ARID5B: variants seen among roughly 807,000 people sequenced by gnomAD.
The protein encoded by ARID5B is AT-rich interaction domain 5B.
Under a neutral mutation model 97.2 loss-of-function variants are expected in ARID5B, and 13 were observed. That is an observed-to-expected ratio of 0.13 (90% CI 0.09 to 0.21). The LOEUF (loss-of-function observed/expected upper bound fraction) is 0.21. Among genes scored for constraint, ARID5B ranks in the 10% least tolerant of loss-of-function variants. The pLI is 1.00. For synonymous variants in ARID5B, 556 were observed against 570.3 expected (o/e 0.97, Z 0.36); for missense variants, 1,210 against 1,465.3 (o/e 0.83, Z 2.84).
intron 7 of ARID5B, among the ~76,000 whole-genome samples, chr10:62,062,977 AAT>A (rs1839941521): frequency 1.3e-5 from 2 of 152,110 alleles, no homozygotes; most frequent in African/African-American, 2.4e-5. Flanking sequence ...GAGATTTATA[AAT>A]GATTATTCTT....
intron 7 of ARID5B, among the ~76,000 whole-genome samples, chr10:62,065,361 A>G (rs749343721): frequency 5.3e-5 from 8 of 152,136 alleles, no homozygotes; most frequent in South Asian, 2.1e-4. Flanking sequence ...TCTTTTCGTG[A>G]CACCATCTCA....
intron 9 of ARID5B, among the ~76,000 whole-genome samples, chr10:62,089,483 C>A (rs937171468): frequency 6.6e-6 from 1 of 151,016 alleles, no homozygotes; most frequent in Non-Finnish European, 1.5e-5. Flanking sequence ...GCCTTCCTTC[C>A]TTCCTTTCTT....
chr10:62,054,960 G>A (rs191855855), intron 5 of ARID5B, among the ~76,000 whole-genome samples: 7 of 152,248 alleles, frequency 4.6e-5, no homozygotes, highest in Admixed American at 1.3e-4. Flanking sequence ...GAACATGAAG[G>A]TAGAGTATGT....
intron 2 of ARID5B, among the ~76,000 whole-genome samples, chr10:61,923,181 C>T (rs371783827): frequency 2.0e-5 from 3 of 152,160 alleles, no homozygotes; most frequent in Non-Finnish European, 4.4e-5. Flanking sequence ...CCATGTACCA[C>T]GTTTCTCCCA....
At chr10:61,969,412 T>A (rs890003637) in intron 3 of ARID5B, among the ~76,000 whole-genome samples, 1 of 151,958 alleles carries the variant, frequency 6.6e-6, no homozygotes, top group Admixed American at 6.6e-5. Flanking sequence ...TTATGCACAC[T>A]GTTATCCTTT....
intron 2 of ARID5B, among the ~76,000 whole-genome samples, chr10:61,904,898 T>C (rs1036682670): frequency 2.6e-5 from 4 of 152,182 alleles, no homozygotes; most frequent in Non-Finnish European, 4.4e-5. Context: ...GGTGATGTCA[T>C]TTCCCCCCTG....
chr10:62,037,886 C>T (rs528832385), intron 4 of ARID5B, among the ~76,000 whole-genome samples: 9 of 152,248 alleles, frequency 5.9e-5, no homozygotes, highest in Non-Finnish European at 8.8e-5. Context: ...ACTGAACTTC[C>T]ACATTTGAGT....
rs545354871 is a variant in ARID5B at position 61,998,417 on chromosome 10, C to T, written c.503-1674C>T. 1.3e-4 allele frequency among the ~76,000 whole-genome samples: 20 copies of T among 152,288 alleles called. No individual in the cohort carries two copies. In the South Asian group the frequency reaches 1.9e-3, roughly 14 times the overall value. On this transcript the variant is annotated intron_variant, in intron 3 of 9. Coordinates refer to ENST00000279873, the MANE Select transcript of ARID5B (RefSeq NM_032199.3). Reference sequence around the variant, plus strand: ...GACATGTCTGGGAATTGCTTACAACCGCTCTGATGGGGTGGTTGCGGAGTG... The same window carrying T: ...GACATGTCTGGGAATTGCTTACAACTGCTCTGATGGGGTGGTTGCGGAGTG...
chr10:61,984,550 G>T (rs1838820580), intron 3 of ARID5B, among the ~76,000 whole-genome samples: 1 of 152,168 alleles, frequency 6.6e-6, no homozygotes, highest in African/African-American at 2.4e-5. Context: ...CTCATGTGGA[G>T]GCAGCAGGTG....
intron 4 of ARID5B, among the ~76,000 whole-genome samples, chr10:62,017,237 G>C (rs549081989): frequency 6.6e-6 from 1 of 152,170 alleles, no homozygotes; most frequent in East Asian, 1.9e-4. Flanking sequence ...TGGATCACCT[G>C]AGGTCAGGAG....
At position 61,955,005 on chromosome 10, in the gene ARID5B, T is replaced by TTAAAAA. The variant is rs1207667949; in HGVS notation, c.502+14597_502+14598insTAAAAA. On this transcript the variant is annotated intron_variant, in intron 3 of 9. Coordinates refer to ENST00000279873, the MANE Select transcript of ARID5B (RefSeq NM_032199.3). ...TGGGCAACAAGAGCGAAACTCCATC[T>TTAAAAA]CAAAAAAAAAAAAAGCAATCTATGA... Among the ~76,000 whole-genome samples the TTAAAAA allele has an allele frequency of 3.4e-3, 473 of 139,242 alleles. 1 individual carries two copies. The highest frequency in any genetic ancestry group is 8.9e-3 in the South Asian group (41 of 4,592). The allele number at this position is 139,242 out of a possible 152,430, so 91.3% of individuals were successfully genotyped here.
chr10:61,992,220 A>G (rs910107061), intron 3 of ARID5B, among the ~76,000 whole-genome samples: 3 of 152,200 alleles, frequency 2.0e-5, no homozygotes, highest in Non-Finnish European at 4.4e-5. Context: ...TTAAATTTAA[A>G]TGTGGCTAAG....
At chr10:62,002,403 G>A (rs930857675) in intron 4 of ARID5B, among the ~76,000 whole-genome samples, 1 of 152,104 alleles carries the variant, frequency 6.6e-6, no homozygotes, top group Non-Finnish European at 1.5e-5. Context: ...TGGAATAAAG[G>A]TACCTTTAGA....
At chr10:61,938,897 C>A (rs1379052193) in intron 2 of ARID5B, among the ~76,000 whole-genome samples, 5 of 146,430 alleles carry the variant, frequency 3.4e-5, no homozygotes, top group East Asian at 2.0e-4. Context: ...AAAAAAAAAA[C>A]CCTCAACCCA....
In ARID5B at chr10:62,093,042, C is replaced by T. The variant is rs1477425574; in HGVS notation, c.*12C>T. 6.3e-7 allele frequency: 1 copy of T among 1,593,016 alleles called. No individual in the cohort carries two copies. The highest frequency in any genetic ancestry group is 1.1e-5 in the South Asian group (1 of 88,482). ...GTACAAAACTGTAGGCTCAGCTCTG[C>T]CCAGCAGTCCAAAGCGGCATGGCCA... On this transcript the variant is annotated 3_prime_UTR_variant, in exon 10 of 10. Coordinates refer to ENST00000279873, the MANE Select transcript of ARID5B (RefSeq NM_032199.3).
chr10:61,970,760 A>G (rs549453011), intron 3 of ARID5B, among the ~76,000 whole-genome samples: 1 of 152,332 alleles, frequency 6.6e-6, no homozygotes, highest in South Asian at 2.1e-4. Context: ...GACCTTAGTG[A>G]TAAATTAACT....
At chr10:61,991,758 G>A (rs753382832) in intron 3 of ARID5B, among the ~76,000 whole-genome samples, 4 of 152,150 alleles carry the variant, frequency 2.6e-5, no homozygotes, top group Non-Finnish European at 4.4e-5. Context: ...GGCCAGGCAC[G>A]GTGGCTCACG....
At chr10:61,972,178 G>A (rs1223219900) in intron 3 of ARID5B, among the ~76,000 whole-genome samples, 2 of 149,712 alleles carry the variant, frequency 1.3e-5, no homozygotes, top group Non-Finnish European at 3.0e-5. Context: ...CTTATATGTT[G>A]GATATTAATT....
At chr10:61,923,655 T>C (rs1844055344) in intron 2 of ARID5B, among the ~76,000 whole-genome samples, 3 of 152,248 alleles carry the variant, frequency 2.0e-5, no homozygotes, top group Non-Finnish European at 4.4e-5. Flanking sequence ...CAGCTGTTCC[T>C]AGTGCCTAGC....
Sources: gnomAD v4.1 joint callset for allele counts (sites outside exome capture counted in the v4.1 genomes callset) on GRCh38, gnomAD v4.1.1 for gene constraint, MANE v1.5 for transcripts, NCBI Gene and HGNC (gene_info 2026-07-23, HGNC 2026-07-21) for gene names.